The following ZNF367 variants were observed in gnomAD, a reference collection of about 807,000 sequenced individuals.
ZNF367 encodes the protein zinc finger protein 367, also known as C2H2 zinc finger protein ZFF29.
ZNF367 carries 11 observed loss-of-function variants against 31.8 expected under a neutral mutation model. That is an observed-to-expected ratio of 0.35 (90% CI 0.22 to 0.57). The LOEUF (loss-of-function observed/expected upper bound fraction) is 0.57, where lower values mean the gene tolerates loss of function less well. Among genes scored for constraint, ZNF367 ranks in the 20% least tolerant of loss-of-function variants. The pLI, the probability that ZNF367 is intolerant of heterozygous loss-of-function variation, is 0.85. For synonymous variants in ZNF367, 199 were observed against 202.4 expected, an observed-to-expected ratio of 0.98 and a Z score of 0.14; for missense variants, 353 against 484.1, an observed-to-expected ratio of 0.73 and a Z score of 2.54.
At chr9:96,395,192 C>T (rs1564140480) in intron 2 of ZNF367, among the ~76,000 whole-genome samples, 1 of 152,064 alleles carries the variant, frequency 6.6e-6, no homozygotes, top group Non-Finnish European at 1.5e-5. Context: ...TATTTTTTCT[C>T]CCTCATACTC....
chr9:96,417,768 C>A lies in ZNF367; in HGVS notation c.265G>T (p.Ala89Ser). Residue 89 changes from alanine to serine, a missense_variant, in exon 1 of 5, where the codon GCC becomes TCC. Physicochemically the swap from Ala to Ser is moderately conservative, Grantham distance 99 (BLOSUM62 1). Coordinates refer to ENST00000375256, the MANE Select transcript of ZNF367 (RefSeq NM_153695.4). The surrounding 1 kb of genome is among the most constrained non-coding windows in gnomAD (Gnocchi z 5.0). The part of the protein sequence containing the change: ...NVTLSPGAAG[A>S]AASAALPAAA... ...GCAGGCAGGGCGGCCGAGGCGGCGG[C>A]CCCCGCGGCCCCAGGGCTGAGCGTC... The A allele has an allele frequency of 8.1e-7, 1 of 1,239,900 alleles. No individual in the cohort carries two copies. Among genetic ancestry groups the A allele is most frequent in the Non-Finnish European group, 1.0e-6 (1 of 990,128 alleles). 76.8% of individuals were successfully genotyped at this position (1,239,900 alleles called of 1,614,324 possible).
chr9:96,404,878 A>G (rs1831652256), intron 1 of ZNF367, among the ~76,000 whole-genome samples: 1 of 152,178 alleles, frequency 6.6e-6, no homozygotes, highest in Non-Finnish European at 1.5e-5. Flanking sequence ...GCCTAGTATC[A>G]AGGATATAAA....
chr9:96,413,997 G>GCAGA lies in ZNF367; in HGVS notation c.420+3612_420+3615dup, dbSNP rs1487029215. On this transcript the variant is annotated intron_variant, in intron 1 of 4. Transcript: ENST00000375256. ...TGTCTCCTCTCTTCCCCAAAAATGA[G>GCAGA]CAGACTCAGCACAATTCCCTGATGA... is the stretch of plus-strand genomic sequence containing the variant. 2.6e-5 allele frequency among the ~76,000 whole-genome samples: 4 copies of GCAGA among 152,316 alleles called. No individual in the cohort carries two copies. In the East Asian group the frequency reaches 7.7e-4, roughly 29 times the overall value.
At chr9:96,413,024 TATCTC>T in intron 1 of ZNF367, among the ~76,000 whole-genome samples, 1 of 152,278 alleles carries the variant, frequency 6.6e-6, no homozygotes, top group African/African-American at 2.4e-5. Flanking sequence ...TATGTCTACT[TATCTC>T]AGCTTAATAT....
chr9:96,417,562 C>T lies in ZNF367; in HGVS notation c.420+51G>A. On this transcript the variant is annotated intron_variant, in intron 1 of 4. Coordinates refer to ENST00000375256, the MANE Select transcript of ZNF367 (RefSeq NM_153695.4). The surrounding 1 kb of genome is among the most constrained non-coding windows in gnomAD (Gnocchi z 5.0). ...TCCGCCCCGCCCGCCGCACCGTTAA[C>T]GGGCCCCGGCTGCCCCACGTCCCGC... 1 of 342,824 alleles carries T rather than the reference C, an allele frequency of 2.9e-6. No individual in the cohort carries two copies. Among genetic ancestry groups the T allele is most frequent in the Non-Finnish European group, 5.1e-6 (1 of 196,254 alleles). 21.2% of individuals were successfully genotyped at this position (342,824 alleles called of 1,614,324 possible).
In ZNF367 at chr9:96,394,912, T is replaced by C. The variant is rs1363483717; in HGVS notation, c.602A>G (p.Asp201Gly). The change falls in exon 3 of 5, where the codon GAC (aspartate) becomes GGC (glycine). Residue 201 changes from aspartate to glycine, a missense_variant. Asp to Gly is a moderately conservative substitution (Grantham distance 94). Around this residue, in one of 5 missense-constraint regions of ZNF367, gnomAD observed 57 missense variants for 141.9 expected, o/e 0.40. Transcript: ENST00000375256. Reference sequence around the variant, plus strand: ...ACTTTGAACAAAGGCTTTTCCACAGTCTGGATAGTCACACAGATAGGGCCT... The same window carrying C: ...ACTTTGAACAAAGGCTTTTCCACAGCCTGGATAGTCACACAGATAGGGCCT... ...GERPYLCDYP[D>G]CGKAFVQSGQ... The C allele has an allele frequency of 1.2e-6, 2 of 1,613,950 alleles. No individual in the cohort carries two copies. Among genetic ancestry groups the C allele is most frequent in the Non-Finnish European group, 1.7e-6 (2 of 1,179,988 alleles).
At chr9:96,411,525 T>G (rs1268056644) in intron 1 of ZNF367, among the ~76,000 whole-genome samples, 1 of 152,028 alleles carries the variant, frequency 6.6e-6, no homozygotes, top group Non-Finnish European at 1.5e-5. Context: ...ACAGTGCCAC[T>G]GCACTCAGCC....
chr9:96,399,331 C>CT (rs984049944), intron 1 of ZNF367, among the ~76,000 whole-genome samples: 8 of 151,988 alleles, frequency 5.3e-5, no homozygotes, highest in Admixed American at 2.0e-4. Context: ...TCTGTCTACT[C>CT]TTTTTTGGGG....
At chr9:96,415,221 ATTTTTT>A (rs775576212) in intron 1 of ZNF367, among the ~76,000 whole-genome samples, 1 of 128,902 alleles carries the variant, frequency 7.8e-6, no homozygotes, top group Non-Finnish European at 1.6e-5. Flanking sequence ...CCCCTGGCCA[ATTTTTT>A]TTTTTTTTTT....
At chr9:96,401,811 G>A (rs1831607867) in intron 1 of ZNF367, among the ~76,000 whole-genome samples, 2 of 150,196 alleles carry the variant, frequency 1.3e-5, no homozygotes, top group Non-Finnish European at 3.0e-5. Context: ...CTGGCAGACA[G>A]TGTGAGATGC....
chr9:96,391,540 T>C (rs1334447728), intron 4 of ZNF367, among the ~76,000 whole-genome samples: 1 of 152,158 alleles, frequency 6.6e-6, no homozygotes, highest in East Asian at 1.9e-4. Flanking sequence ...GGCAGGGCTA[T>C]GGCAGCACAG....
At chr9:96,401,841 AT>A (rs1214233968) in intron 1 of ZNF367, among the ~76,000 whole-genome samples, 1 of 150,848 alleles carries the variant, frequency 6.6e-6, no homozygotes, top group African/African-American at 2.4e-5. Context: ...AAAAAAAAAA[AT>A]TTTTAAATTA....
intron 1 of ZNF367, among the ~76,000 whole-genome samples, chr9:96,405,165 T>TA (rs1385147857): frequency 6.6e-6 from 1 of 151,644 alleles, no homozygotes; most frequent in Non-Finnish European, 1.5e-5. Flanking sequence ...CTACTAAAAA[T>TA]ACAAAAATTA....
intron 1 of ZNF367, among the ~76,000 whole-genome samples, chr9:96,410,475 T>C (rs1327828162): frequency 7.3e-6 from 1 of 137,712 alleles, no homozygotes; most frequent in Admixed American, 8.1e-5. Flanking sequence ...GGCAGGAGAA[T>C]GGCGTGAATC....
intron 2 of ZNF367, among the ~76,000 whole-genome samples, chr9:96,395,769 G>A (rs1390365684): frequency 6.6e-6 from 1 of 152,000 alleles, no homozygotes; most frequent in Non-Finnish European, 1.5e-5. Context: ...ATGTGTCATG[G>A]TAGTCTCCTG....
At chr9:96,412,549 G>C (rs1369476659) in intron 1 of ZNF367, among the ~76,000 whole-genome samples, 5 of 152,076 alleles carry the variant, frequency 3.3e-5, no homozygotes, top group African/African-American at 7.2e-5. Flanking sequence ...TTCCTAACTT[G>C]TAACTACCTA....
chr9:96,401,878 A>G (rs1442246630), intron 1 of ZNF367, among the ~76,000 whole-genome samples: 2 of 151,900 alleles, frequency 1.3e-5, no homozygotes, highest in African/African-American at 4.8e-5. Flanking sequence ...GTGTGCCTAT[A>G]GTCCCAGCTA....
intron 1 of ZNF367, among the ~76,000 whole-genome samples, chr9:96,408,426 T>C (rs1414026209): frequency 6.6e-6 from 1 of 152,206 alleles, no homozygotes; most frequent in Admixed American, 6.5e-5. Flanking sequence ...TTAGTAACAA[T>C]GGAAAACTAC....
intron 4 of ZNF367, 99 bp from the exon 5 acceptor site, chr9:96,388,558 G>T: frequency 9.2e-7 from 1 of 1,082,320 alleles, no homozygotes; most frequent in East Asian, 2.4e-5. Context: ...TTACTTTTAT[G>T]TGGTTCAGTT....
Sources: gnomAD v4.1 joint callset for allele counts (sites outside exome capture counted in the v4.1 genomes callset) on GRCh38, gnomAD v4.1.1 for gene constraint, gnomAD v4.1.1 regional missense constraint, Gnocchi (gnomAD v3.1) non-coding constraint, MANE v1.5 for transcripts, NCBI Gene and HGNC (gene_info 2026-07-23, HGNC 2026-07-21) for gene names.